EPHA5: variants seen among roughly 807,000 people sequenced by gnomAD.
The protein encoded by EPHA5 is EPH receptor A5.
EPHA5 carries 60 observed loss-of-function variants against 105.0 expected under a neutral mutation model. The observed-to-expected ratio is 0.57, with a 90% CI of 0.46 to 0.71. The LOEUF is 0.71. Ranked by LOEUF, EPHA5 falls within the 30% of genes least tolerant of loss-of-function variation. EPHA5 has a pLI of 0.00. For missense variants in EPHA5, 1,218 were observed against 1,274.7 expected (o/e 0.96, Z 0.68); for synonymous variants, 513 against 449.1 (o/e 1.14, Z -1.80).
At chr4:65,565,801 T>C (rs1342251315) in intron 3 of EPHA5, among the ~76,000 whole-genome samples, 2 of 151,664 alleles carry the variant, frequency 1.3e-5, no homozygotes, top group Admixed American at 1.3e-4. Context: ...TTACAGAATA[T>C]AAATGAAATA....
intron 3 of EPHA5, among the ~76,000 whole-genome samples, chr4:65,534,164 C>T (rs1736082649): frequency 6.6e-6 from 1 of 151,988 alleles, no homozygotes; most frequent in South Asian, 2.1e-4. Flanking sequence ...TCATACTTTT[C>T]AAGTATTTAT....
intron 5 of EPHA5, among the ~76,000 whole-genome samples, chr4:65,469,859 C>T (rs1226871319): frequency 2.0e-5 from 3 of 151,914 alleles, no homozygotes; most frequent in East Asian, 1.9e-4. Flanking sequence ...AATCTGTTCA[C>T]TTAGTAAGAA....
intron 1 of EPHA5, among the ~76,000 whole-genome samples, chr4:65,662,338 A>AT (rs1301920269): frequency 2.6e-5 from 4 of 152,002 alleles, no homozygotes; most frequent in East Asian, 1.9e-4. Context: ...TGGCTCTTTA[A>AT]TTTTTTTTAT....
intron 2 of EPHA5, among the ~76,000 whole-genome samples, chr4:65,637,191 ACT>A (rs1747199234): frequency 6.6e-6 from 1 of 151,232 alleles, no homozygotes; most frequent in Non-Finnish European, 1.5e-5. Context: ...GTACTCAAAG[ACT>A]AAAAAGAAAC....
chr4:65,450,141 A>T (rs181073768), intron 5 of EPHA5, among the ~76,000 whole-genome samples: 71 of 152,312 alleles, frequency 4.7e-4, no homozygotes, highest in African/African-American at 1.6e-3. Context: ...TTGCAGTGAA[A>T]CTACTGAAAC....
chr4:65,410,464 G>T (rs539859851), intron 7 of EPHA5, among the ~76,000 whole-genome samples: 1 of 152,282 alleles, frequency 6.6e-6, no homozygotes, highest in African/African-American at 2.4e-5. Flanking sequence ...AGCAACACAA[G>T]GGATCTTTAC....
chr4:65,621,834 C>T (rs1485990280), intron 2 of EPHA5, among the ~76,000 whole-genome samples: 1 of 152,052 alleles, frequency 6.6e-6, no homozygotes, highest in African/African-American at 2.4e-5. Context: ...AGGCTGTATA[C>T]ATCTGCATCC....
intron 8 of EPHA5, among the ~76,000 whole-genome samples, chr4:65,390,182 C>T (rs1341176539): frequency 6.6e-6 from 1 of 152,002 alleles, no homozygotes; most frequent in Non-Finnish European, 1.5e-5. Context: ...AGTACTTAGC[C>T]TACAGCATGT....
In EPHA5 at chr4:65,466,497, A is replaced by C. The variant is rs150026700; in HGVS notation, c.1402+23880T>G. On this transcript the variant is annotated intron_variant, in intron 5 of 16. Coordinates refer to ENST00000613740, the MANE Select transcript of EPHA5 (RefSeq NM_001281766.3). ...TTGAGGAGGGAAGTATCGTCATTTG[A>C]CACATTTTAAAGAGATCCCTGTGGC... 2.3e-3 allele frequency among the ~76,000 whole-genome samples: 352 copies of C among 152,320 alleles called. 1 individual carries two copies. The highest frequency in any genetic ancestry group is 7.9e-3 in the South Asian group (38 of 4,830).
chr4:65,551,631 G>C (rs914299575), intron 3 of EPHA5, among the ~76,000 whole-genome samples: 1 of 151,976 alleles, frequency 6.6e-6, no homozygotes, highest in Admixed American at 6.6e-5. Context: ...AGCATGTGTT[G>C]TGGCATAGTT....
At chr4:65,393,140 T>C (rs2148960542) in intron 8 of EPHA5, among the ~76,000 whole-genome samples, 1 of 152,284 alleles carries the variant, frequency 6.6e-6, no homozygotes, top group African/African-American at 2.4e-5. Flanking sequence ...AGAGATAATA[T>C]GAAGCTTTTT....
chr4:65,466,275 TAA>T (rs560984045), intron 5 of EPHA5, among the ~76,000 whole-genome samples: 250 of 152,276 alleles, frequency 1.6e-3, no homozygotes, highest in African/African-American at 5.6e-3. Flanking sequence ...TCGGCAGACA[TAA>T]AAACAAGCAT....
intron 2 of EPHA5, among the ~76,000 whole-genome samples, chr4:65,625,252 G>C (rs976092809): frequency 4.0e-5 from 6 of 151,868 alleles, no homozygotes; most frequent in Admixed American, 3.9e-4. Context: ...AGAAGAGAAC[G>C]CCAAGTGAAA....
rs1399753263 is a variant in EPHA5 at position 65,446,316 on chromosome 4, CA to C, written c.1403-25752del. The stretch of plus-strand genomic sequence containing the variant: ...GGAATAAAATCCTATCATAATCAGT[CA>C]AAAAACTTATTTGTTCATTTAATCA... On this transcript the variant is annotated intron_variant, in intron 5 of 16. Coordinates refer to ENST00000613740, the MANE Select transcript of EPHA5 (RefSeq NM_001281766.3). Among the ~76,000 whole-genome samples, 3 of 152,190 alleles carry C rather than the reference CA, an allele frequency of 2.0e-5. No individual in the cohort carries two copies. In the East Asian group the frequency reaches 5.8e-4, roughly 29 times the overall value.
At chr4:65,630,212 T>C (rs907314879) in intron 2 of EPHA5, among the ~76,000 whole-genome samples, 1 of 152,044 alleles carries the variant, frequency 6.6e-6, no homozygotes, top group Non-Finnish European at 1.5e-5. Context: ...AGTCTCTCCA[T>C]GGAGAGAAAA....
At chr4:65,453,692 T>A in intron 5 of EPHA5, among the ~76,000 whole-genome samples, 1 of 152,152 alleles carries the variant, frequency 6.6e-6, no homozygotes, top group Non-Finnish European at 1.5e-5. Flanking sequence ...CCAGTGCTAG[T>A]AGTCCACTGT....
At chr4:65,437,248 C>G (rs571649508) in intron 5 of EPHA5, among the ~76,000 whole-genome samples, 2 of 152,050 alleles carry the variant, frequency 1.3e-5, no homozygotes, top group East Asian at 3.9e-4. Context: ...GAAGGCAGAG[C>G]CATCCTACTG....
rs144393845 is a variant in EPHA5 at position 65,587,682 on chromosome 4, G to C, written c.910+13959C>G. 1.9e-3 allele frequency among the ~76,000 whole-genome samples: 292 copies of C among 152,256 alleles called. 3 individuals are homozygous for C. The highest frequency in any genetic ancestry group is 6.7e-3 in the African/African-American group (279 of 41,556). ...CTAATTATAGGGCCTCTACTGTCTA[G>C]GGTAAGAGCTTCAGAATCCCAGACA... On this transcript the variant is annotated intron_variant, in intron 3 of 16. Coordinates refer to ENST00000613740, the MANE Select transcript of EPHA5 (RefSeq NM_001281766.3).
chr4:65,361,775 T>G (rs1245819048), intron 11 of EPHA5, among the ~76,000 whole-genome samples: 1 of 151,606 alleles, frequency 6.6e-6, no homozygotes, highest in East Asian at 1.9e-4. Context: ...TTGTTTAAAT[T>G]TATTAATTTT....
Sources: allele counts gnomAD v4.1 joint callset (sites outside exome capture counted in the v4.1 genomes callset), GRCh38; gene constraint gnomAD v4.1.1; transcripts MANE v1.5; gene names NCBI Gene and HGNC (gene_info 2026-07-23, HGNC 2026-07-21).